Variants in SPAG16 observed in about 807,000 individuals in gnomAD.
The protein encoded by SPAG16 is sperm-associated antigen 16 protein.
SPAG16 carries 86 observed loss-of-function variants against 80.4 expected under a neutral mutation model. That is an observed-to-expected ratio of 1.07 (90% CI 0.90 to 1.28). SPAG16 has a LOEUF of 1.28. SPAG16 is among the 50% of genes most tolerant of loss of function. The probability of loss-of-function intolerance (pLI) is 0.00; values close to 1 mark genes in which losing one functional copy is unlikely to be tolerated. For synonymous variants in SPAG16, 294 were observed against 265.9 expected (o/e 1.11, Z -1.03); for missense variants, 870 against 765.3 (o/e 1.14, Z -1.61).
At chr2:214,111,721 G>T (rs1173731074) in intron 14 of SPAG16, among the ~76,000 whole-genome samples, 1 of 104,216 alleles carries the variant, frequency 9.6e-6, no homozygotes, top group Non-Finnish European at 2.0e-5. Context: ...ACCTTGGGCA[G>T]TATGGTCATT....
At chr2:213,962,065 A>G (rs1424868381) in intron 12 of SPAG16, among the ~76,000 whole-genome samples, 1 of 152,120 alleles carries the variant, frequency 6.6e-6, no homozygotes, top group Non-Finnish European at 1.5e-5. Flanking sequence ...ACTGAACTGT[A>G]TCCCCTCAAA....
At chr2:214,372,996 G>A (rs186359056) in intron 15 of SPAG16, among the ~76,000 whole-genome samples, 2 of 152,134 alleles carry the variant, frequency 1.3e-5, no homozygotes, top group African/African-American at 2.4e-5. Context: ...ACAAGGGAAG[G>A]AAAACCATGA....
At chr2:213,707,614 G>A (rs1214083436) in intron 10 of SPAG16, among the ~76,000 whole-genome samples, 2 of 152,066 alleles carry the variant, frequency 1.3e-5, no homozygotes, top group African/African-American at 2.4e-5. Context: ...GTGTGTATAT[G>A]TATATATGTC....
At chr2:213,392,037 A>G (rs2067779513) in intron 9 of SPAG16, among the ~76,000 whole-genome samples, 1 of 152,220 alleles carries the variant, frequency 6.6e-6, no homozygotes, top group African/African-American at 2.4e-5. Context: ...TCTTTAATGA[A>G]AAAATGGAAT....
At chr2:214,407,196 A>G (rs1702041078) in intron 15 of SPAG16, among the ~76,000 whole-genome samples, 1 of 152,054 alleles carries the variant, frequency 6.6e-6, no homozygotes, top group African/African-American at 2.4e-5. Flanking sequence ...TTTAATCACA[A>G]ATTTATTTCA....
intron 9 of SPAG16, among the ~76,000 whole-genome samples, chr2:213,456,275 T>C (rs888969816): frequency 1.3e-5 from 2 of 152,226 alleles, no homozygotes; most frequent in Non-Finnish European, 2.9e-5. Flanking sequence ...ATTCAAATGC[T>C]CCCAAAAGTC....
At chr2:214,041,978 G>GTGTGTA (rs1410396491) in intron 13 of SPAG16, among the ~76,000 whole-genome samples, 26 of 116,368 alleles carry the variant, frequency 2.2e-4, no homozygotes, top group African/African-American at 6.5e-4. Flanking sequence ...GTCTGTGTGT[G>GTGTGTA]TATATATATA....
intron 6 of SPAG16, among the ~76,000 whole-genome samples, chr2:213,347,264 A>G (rs571641046): frequency 2.6e-5 from 4 of 151,062 alleles, no homozygotes; most frequent in African/African-American, 9.7e-5. Context: ...TGTCTATTTG[A>G]TTCTTCTCTC....
At chr2:214,222,376 C>CA in intron 15 of SPAG16, among the ~76,000 whole-genome samples, 1 of 152,228 alleles carries the variant, frequency 6.6e-6, no homozygotes, top group Middle Eastern at 3.4e-3. Context: ...CTTGGCCTCC[C>CA]AAAGTGCTGA....
At chr2:213,915,301 C>A (rs762168950) in intron 11 of SPAG16, among the ~76,000 whole-genome samples, 2 of 151,938 alleles carry the variant, frequency 1.3e-5, no homozygotes, top group Non-Finnish European at 2.9e-5. Flanking sequence ...CTCAGCAGGC[C>A]CCAGTGTGTG....
intron 10 of SPAG16, among the ~76,000 whole-genome samples, chr2:213,785,154 A>G (rs1185324259): frequency 6.6e-6 from 1 of 152,154 alleles, no homozygotes; most frequent in Admixed American, 6.6e-5. Context: ...TCAGGTAACC[A>G]TCGTTAGCAT....
intron 13 of SPAG16, among the ~76,000 whole-genome samples, chr2:214,090,745 C>T (rs1027213285): frequency 2.6e-5 from 4 of 151,948 alleles, no homozygotes; most frequent in Admixed American, 2.6e-4. Context: ...CCTGATTTTA[C>T]TTTCTTAGTG....
At chr2:214,326,693 C>A (rs1279651936) in intron 15 of SPAG16, among the ~76,000 whole-genome samples, 1 of 151,984 alleles carries the variant, frequency 6.6e-6, no homozygotes, top group Non-Finnish European at 1.5e-5. Flanking sequence ...CGCCTGTAAT[C>A]CTAGCACTTT....
intron 10 of SPAG16, among the ~76,000 whole-genome samples, chr2:213,673,504 T>C (rs973417958): frequency 6.6e-6 from 1 of 152,180 alleles, no homozygotes; most frequent in Non-Finnish European, 1.5e-5. Context: ...CTCCATACAG[T>C]AGGCTGTTTT....
chr2:213,532,308 G>T (rs1450601802), intron 10 of SPAG16, among the ~76,000 whole-genome samples: 1 of 151,906 alleles, frequency 6.6e-6, no homozygotes, highest in Admixed American at 6.6e-5. Context: ...CACTACTTTG[G>T]CCTGAACTAT....
chr2:214,106,982 A>G (rs1411883682), intron 13 of SPAG16, among the ~76,000 whole-genome samples: 9 of 151,180 alleles, frequency 6.0e-5, no homozygotes, highest in Non-Finnish European at 1.0e-4. Flanking sequence ...CCCTTACTAT[A>G]CTTTCATTCT....
intron 15 of SPAG16, among the ~76,000 whole-genome samples, chr2:214,161,052 G>A (rs946287393): frequency 6.6e-6 from 1 of 152,140 alleles, no homozygotes; most frequent in East Asian, 1.9e-4. Context: ...AACATGAAGT[G>A]TTTGGTTTTC....
intron 10 of SPAG16, among the ~76,000 whole-genome samples, chr2:213,752,265 T>C (rs1459597692): frequency 6.6e-6 from 1 of 152,222 alleles, no homozygotes; most frequent in Non-Finnish European, 1.5e-5. Flanking sequence ...AATGTAGTTA[T>C]ATCACCATTT....
At chr2:213,846,116 A>G (rs1430454128) in intron 10 of SPAG16, among the ~76,000 whole-genome samples, 1 of 152,322 alleles carries the variant, frequency 6.6e-6, no homozygotes, top group African/African-American at 2.4e-5. Flanking sequence ...CATACCAACA[A>G]TGATCCAAAA....
Sources: gnomAD v4.1 joint callset for allele counts (sites outside exome capture counted in the v4.1 genomes callset) on GRCh38, gnomAD v4.1.1 for gene constraint, MANE v1.5 for transcripts, NCBI Gene and HGNC (gene_info 2026-07-23, HGNC 2026-07-21) for gene names.